Variants in NUP210L observed in about 807,000 individuals in gnomAD.
The protein encoded by NUP210L is nucleoporin 210 like, also known as nuclear pore membrane glycoprotein 210-like.
NUP210L carries 74 observed loss-of-function variants against 208.5 expected under a neutral mutation model. That is an observed-to-expected ratio of 0.35 (90% CI 0.29 to 0.43). The LOEUF (loss-of-function observed/expected upper bound fraction) is 0.43, where lower values mean the gene tolerates loss of function less well. Among genes scored for constraint, NUP210L ranks in the 20% least tolerant of loss-of-function variants. The pLI is 1.00. For synonymous variants in NUP210L, 780 were observed against 816.9 expected (o/e 0.95, Z 0.77); for missense variants, 1,843 against 2,289.4 (o/e 0.81, Z 3.98).
intron 7 of NUP210L, among the ~76,000 whole-genome samples, chr1:154,132,838 TG>T (rs1472945490): frequency 1.3e-5 from 2 of 152,200 alleles, no homozygotes; most frequent in Non-Finnish European, 2.9e-5. Context: ...CTCTCCTTAA[TG>T]TGTGTTAGAC....
intron 15 of NUP210L, among the ~76,000 whole-genome samples, chr1:154,093,714 A>T (rs984940897): frequency 3.3e-5 from 5 of 152,218 alleles, no homozygotes; most frequent in African/African-American, 1.2e-4. Context: ...TGATTCCCTT[A>T]TGTGCTGGTT....
Position 154,106,171 on chromosome 1 carries a change from G to C in NUP210L, c.1621-1961C>G, listed in dbSNP as rs545850203. On this transcript the variant is annotated intron_variant, in intron 12 of 39. Coordinates refer to ENST00000368559, the Ensembl canonical transcript of NUP210L. ...AGCTACTCGGAAGGCTGAGGCAAGG[G>C]AATCGCTCGAACCCAGGAGGCAGAG... Among the ~76,000 whole-genome samples the C allele has an allele frequency of 5.9e-4, 90 of 152,232 alleles. 1 individual carries two copies. The South Asian group carries it at 0.011, about 18-fold the overall frequency.
At chr1:154,111,758 A>G (rs1226350986) in intron 12 of NUP210L, among the ~76,000 whole-genome samples, 1 of 151,688 alleles carries the variant, frequency 6.6e-6, no homozygotes, top group East Asian at 1.9e-4. Context: ...AAAATAGAGA[A>G]GAGAATACGT....
chr1:154,096,720 T>G (rs1656196401), intron 14 of NUP210L, among the ~76,000 whole-genome samples: 1 of 150,740 alleles, frequency 6.6e-6, no homozygotes, highest in African/African-American at 2.4e-5. Context: ...GCCATTGCAC[T>G]CCAGCCTGGG....
intron 7 of NUP210L, among the ~76,000 whole-genome samples, chr1:154,130,227 T>C (rs1405872348): frequency 6.6e-6 from 1 of 151,998 alleles, no homozygotes; most frequent in Admixed American, 6.6e-5. Flanking sequence ...TAATCTCAGC[T>C]ACTCAGGAGG....
At chr1:154,135,739 T>C (rs2148133492) in intron 7 of NUP210L, 75 bp downstream of exon 7, 2 of 1,363,492 alleles carry the variant, frequency 1.5e-6, no homozygotes, top group South Asian at 2.4e-5. Context: ...TCTTAATAAA[T>C]TATTTTACCA....
chr1:154,048,125 A>C (rs1259670645), intron 25 of NUP210L, among the ~76,000 whole-genome samples: 2 of 152,178 alleles, frequency 1.3e-5, no homozygotes, highest in African/African-American at 4.8e-5. Flanking sequence ...TGCCAGCTAA[A>C]GCTAAAGTGG....
intron 29 of NUP210L, among the ~76,000 whole-genome samples, chr1:154,027,228 A>G (rs185468915): frequency 1.3e-5 from 2 of 152,284 alleles, no homozygotes; most frequent in East Asian, 3.9e-4. Flanking sequence ...AGGAGGAAAG[A>G]AAGAAGAGTG....
chr1:154,121,441 T>C (rs1272940839), intron 10 of NUP210L, among the ~76,000 whole-genome samples: 3 of 152,152 alleles, frequency 2.0e-5, no homozygotes, highest in African/African-American at 7.2e-5. Flanking sequence ...CACCCCCTTC[T>C]GTAGTCCCCA....
intron 37 of NUP210L, among the ~76,000 whole-genome samples, chr1:153,999,614 G>A (rs1259120388): frequency 6.6e-6 from 1 of 150,836 alleles, no homozygotes; most frequent in Admixed American, 6.7e-5. Context: ...GTGTGTGCCT[G>A]TAATCCCAGC....
chr1:154,058,665 G>A lies in NUP210L; in HGVS notation c.2879C>T (p.Thr960Ile), dbSNP rs186316732. Residue 960 changes from threonine (T) to isoleucine (I), a missense_variant, in exon 21 of 40, where the codon ACC (threonine) becomes ATC (isoleucine). This residue lies in a region of NUP210L where 408 missense variants were observed against 600.8 expected (regional missense o/e 0.68). Transcript: ENST00000368559. ...CAAACAAAGATCATAGACCTCCAAG[G>A]TAAAAAATCCAGGATGTAATGGAAC... The A allele has an allele frequency of 3.1e-5, 50 of 1,613,600 alleles. No individual in the cohort carries two copies. Among genetic ancestry groups the A allele is most frequent in the Admixed American group, 1.2e-4 (7 of 59,986 alleles).
At chr1:153,996,248 C>T (rs941148448) in intron 37 of NUP210L, among the ~76,000 whole-genome samples, 1 of 152,110 alleles carries the variant, frequency 6.6e-6, no homozygotes, top group South Asian at 2.1e-4. Flanking sequence ...ACCGAGATCT[C>T]TCCACTGCAC....
Position 154,138,351 on chromosome 1 carries a change from A to C in NUP210L, c.718-113T>G, listed in dbSNP as rs375769572. 2.7e-5 allele frequency: 26 copies of C among 965,336 alleles called. No homozygotes were observed. The East Asian group carries it at 8.2e-4, about 30-fold the overall frequency. The allele number at this position is 965,336 out of a possible 1,614,324, so 59.8% of individuals were successfully genotyped here. A position where few individuals can be genotyped will look rare whatever the true frequency, so the allele number is the denominator to read the frequency against. On this transcript the variant is annotated intron_variant, in intron 5 of 39. Coordinates refer to ENST00000368559, the Ensembl canonical transcript of NUP210L. ...TAAACTTCTTTTAAAATTTTTTATA[A>C]AGATTTTTTTAAAAGCTTTCCTAAT... is the stretch of plus-strand genomic sequence containing the variant.
chr1:154,059,681 GT>G (rs1654039842), intron 20 of NUP210L, among the ~76,000 whole-genome samples: 1 of 151,990 alleles, frequency 6.6e-6, no homozygotes, highest in Non-Finnish European at 1.5e-5. Flanking sequence ...AACTAACACT[GT>G]TTTTTCTTTC....
chr1:154,088,609 T>A (rs1655744838), intron 16 of NUP210L, among the ~76,000 whole-genome samples: 1 of 152,172 alleles, frequency 6.6e-6, no homozygotes. Context: ...AAAAAATGGG[T>A]TCACAACCTG....
rs913619190 is a variant in NUP210L at position 154,005,911 on chromosome 1, C to T, written c.4931-3926G>A. Among the ~76,000 whole-genome samples the T allele has an allele frequency of 4.6e-5, 7 of 151,856 alleles. No homozygotes were observed. In the South Asian group the frequency reaches 6.2e-4, roughly 14 times the overall value. ...GCTAATTTTGTATTTTTAGTAGAGA[C>T]GGGTTTCTCCACATTGGTAAGGCTG... On this transcript the variant is annotated intron_variant, in intron 35 of 39. Transcript: ENST00000368559.
intron 37 of NUP210L, among the ~76,000 whole-genome samples, chr1:153,996,493 C>G (rs1350875509): frequency 6.6e-6 from 1 of 152,098 alleles, no homozygotes; most frequent in African/African-American, 2.4e-5. Context: ...ACCATCTCAA[C>G]TCCCTGCAAC....
intron 12 of NUP210L, among the ~76,000 whole-genome samples, chr1:154,109,832 T>G (rs556745285): frequency 3.4e-4 from 51 of 151,318 alleles, no homozygotes; most frequent in African/African-American, 1.2e-3. Flanking sequence ...AGAAAGAGAT[T>G]TTAAAATTTC....
intron 10 of NUP210L, among the ~76,000 whole-genome samples, chr1:154,124,851 C>T (rs999935680): frequency 6.6e-6 from 1 of 152,112 alleles, no homozygotes; most frequent in African/African-American, 2.4e-5. Context: ...ACTTGGAAGG[C>T]TAAGGCAGGA....
Sources: gnomAD v4.1 joint callset for allele counts (sites outside exome capture counted in the v4.1 genomes callset) on GRCh38, gnomAD v4.1.1 for gene constraint, gnomAD v4.1.1 regional missense constraint, MANE v1.5 for transcripts, NCBI Gene and HGNC (gene_info 2026-07-23, HGNC 2026-07-21) for gene names.